The following CSMD1 variants were observed in gnomAD, a reference collection of about 807,000 sequenced individuals.
The protein encoded by CSMD1 is CUB and Sushi multiple domains 1.
A neutral mutation model predicts 417.5 loss-of-function variants in CSMD1; 213 were observed. That is an observed-to-expected ratio of 0.51 (90% CI 0.46 to 0.57). CSMD1 has a LOEUF of 0.57. CSMD1 is among the 20% of genes least tolerant of loss of function. The pLI, the probability that CSMD1 is intolerant of heterozygous loss-of-function variation, is 0.00. For missense variants in CSMD1, 6,923 were observed against 4,529.7 expected, an observed-to-expected ratio of 1.53 and a Z score of -15.17; for synonymous variants, 2,862 against 1,736.8, an observed-to-expected ratio of 1.65 and a Z score of -16.11.
rs1274672363 is a variant in CSMD1 at position 2,942,569 on chromosome 8, A to T, written c.10438T>A (p.Tyr3480Asn). 3 of 1,603,876 alleles carry T rather than the reference A, an allele frequency of 1.9e-6. No individual in the cohort carries two copies. The African/African-American group carries it at 4.0e-5, about 21-fold the overall frequency. The change falls in exon 69 of 70, where the codon TAC becomes AAC. Residue 3480 changes from tyrosine to asparagine, a missense_variant. Physicochemically the swap from Tyr to Asn is moderately radical, Grantham distance 143. Coordinates refer to ENST00000635120, the MANE Select transcript of CSMD1 (RefSeq NM_033225.6). ...ACAGAGCCACTGCTGGTGCCGTGGT[A>T]ATGACTGGAAGAGTCTTGATCTGGG... ...LNPDQDSSSH[Y>N]HGTSSGSVAA...
At chr8:4,936,519 G>C (rs1807632939) in intron 1 of CSMD1, among the ~76,000 whole-genome samples, 1 of 152,110 alleles carries the variant, frequency 6.6e-6, no homozygotes, top group Non-Finnish European at 1.5e-5. Flanking sequence ...CTATTGGATG[G>C]ATTGTACCTT....
At chr8:4,715,693 C>A (rs557682265) in intron 1 of CSMD1, among the ~76,000 whole-genome samples, 1 of 152,230 alleles carries the variant, frequency 6.6e-6, no homozygotes, top group African/African-American at 2.4e-5. Context: ...CCCTTCTAGG[C>A]GTTCAACTCA....
At chr8:4,849,169 T>C (rs1320386204) in intron 1 of CSMD1, among the ~76,000 whole-genome samples, 1 of 152,014 alleles carries the variant, frequency 6.6e-6, no homozygotes, top group African/African-American at 2.4e-5. Flanking sequence ...AAAAACGTTT[T>C]CAAAAAGTAA....
intron 5 of CSMD1, among the ~76,000 whole-genome samples, chr8:3,815,907 TAGAA>T (rs1801343399): frequency 6.6e-6 from 1 of 152,074 alleles, no homozygotes; most frequent in Non-Finnish European, 1.5e-5. Flanking sequence ...CAAGAGTAAA[TAGAA>T]AGAGGAAAAA....
chr8:3,912,932 G>A (rs1054063584), intron 5 of CSMD1, among the ~76,000 whole-genome samples: 26 of 152,186 alleles, frequency 1.7e-4, no homozygotes, highest in Admixed American at 1.4e-3. Context: ...TCAGGTAAGA[G>A]AACACAGGGT....
intron 3 of CSMD1, among the ~76,000 whole-genome samples, chr8:4,239,169 T>C (rs28522529): frequency 0.44 from 67,259 of 152,106 alleles, 16,283 homozygotes; most frequent in Non-Finnish European, 0.56. Flanking sequence ...TCCACCAGAG[T>C]TGAATGAACT....
At chr8:3,901,356 G>A (rs1807739148) in intron 5 of CSMD1, among the ~76,000 whole-genome samples, 2 of 152,068 alleles carry the variant, frequency 1.3e-5, no homozygotes, top group South Asian at 2.1e-4. Flanking sequence ...TTTTTTCAAA[G>A]TGTGTTGATT....
chr8:4,212,776 T>TTTTTTTTTTTTTCAA (rs1563282662), intron 3 of CSMD1, among the ~76,000 whole-genome samples: 1 of 105,850 alleles, frequency 9.4e-6, no homozygotes, highest in African/African-American at 3.4e-5. Context: ...TTTTTTTTTT[T>TTTTTTTTTTTTTCAA]ACAAGCTATT....
At chr8:4,543,004 T>G (rs1421735891) in intron 2 of CSMD1, among the ~76,000 whole-genome samples, 1 of 152,166 alleles carries the variant, frequency 6.6e-6, no homozygotes, top group African/African-American at 2.4e-5. Flanking sequence ...TAGTCTATAT[T>G]TTAGAGTAGG....
intron 12 of CSMD1, among the ~76,000 whole-genome samples, chr8:3,451,576 C>G (rs1237497378): frequency 6.6e-6 from 1 of 152,162 alleles, no homozygotes; most frequent in East Asian, 1.9e-4. Flanking sequence ...ATAGGGAATC[C>G]TTTCCCCATT....
chr8:3,385,492 T>A (rs891761667), intron 18 of CSMD1, among the ~76,000 whole-genome samples: 4 of 152,020 alleles, frequency 2.6e-5, no homozygotes, highest in African/African-American at 9.7e-5. Context: ...ATATTTCTAA[T>A]TCATATCATT....
chr8:4,936,150 C>T (rs551966147), intron 1 of CSMD1, among the ~76,000 whole-genome samples: 3 of 152,268 alleles, frequency 2.0e-5, no homozygotes, highest in Admixed American at 1.3e-4. Flanking sequence ...ATCTTTCTTG[C>T]TACATCTAGA....
At chr8:4,463,702 C>T (rs1442327768) in intron 2 of CSMD1, among the ~76,000 whole-genome samples, 1 of 152,128 alleles carries the variant, frequency 6.6e-6, no homozygotes, top group Admixed American at 6.5e-5. Flanking sequence ...ATAGGCCAAT[C>T]CCTAGAGACG....
chr8:4,528,286 G>T lies in CSMD1; in HGVS notation c.303-108221C>A, dbSNP rs1235058745. Reference sequence around the variant, plus strand: ...AGTCCAATTAATCCCTACCTCTCTAGAGAGCCATCCATGAACAGCAACAAC... The same window carrying T: ...AGTCCAATTAATCCCTACCTCTCTATAGAGCCATCCATGAACAGCAACAAC... On this transcript the variant is annotated intron_variant, in intron 2 of 69. Coordinates refer to ENST00000635120, the MANE Select transcript of CSMD1 (RefSeq NM_033225.6). 4.6e-5 allele frequency among the ~76,000 whole-genome samples: 7 copies of T among 152,092 alleles called. No homozygotes were observed. The East Asian group carries it at 1.4e-3, about 29-fold the overall frequency.
At chr8:3,220,275 CTG>C (rs200764499) in intron 28 of CSMD1, among the ~76,000 whole-genome samples, 17 of 151,774 alleles carry the variant, frequency 1.1e-4, no homozygotes, top group Admixed American at 2.6e-4. Flanking sequence ...TTTTTTTTCT[CTG>C]TCCCTCTCTT....
Position 3,201,637 on chromosome 8 carries a change from G to A in CSMD1, c.5073C>T (p.Leu1691=), listed in dbSNP as rs760603559. The A allele has an allele frequency of 1.2e-6, 2 of 1,604,270 alleles. No homozygotes were observed. Among genetic ancestry groups the A allele is most frequent in the Non-Finnish European group, 1.7e-6 (2 of 1,175,070 alleles). The change falls in exon 32 of 70, where the codon CTC becomes CTT. Residue 1691 remains leucine (L), a synonymous_variant. Coordinates refer to ENST00000635120, the MANE Select transcript of CSMD1 (RefSeq NM_033225.6). ...CTGAGTGAGACCCCGAGAGTGAGCT[G>A]AGAAGTCTGGCCTGTGCATGGGTTC... The part of the protein sequence containing the change: ...FDGTHAQARL[L]SSLSGSHSGE...
At chr8:4,353,973 G>C (rs1801250679) in intron 3 of CSMD1, among the ~76,000 whole-genome samples, 1 of 152,040 alleles carries the variant, frequency 6.6e-6, no homozygotes. Context: ...ATGATATATT[G>C]TTTCACTTTT....
chr8:4,056,975 G>A (rs1454686082), intron 3 of CSMD1, among the ~76,000 whole-genome samples: 1 of 152,184 alleles, frequency 6.6e-6, no homozygotes, highest in African/African-American at 2.4e-5. Flanking sequence ...TTGCTATTGT[G>A]AATACTGCTG....
intron 1 of CSMD1, among the ~76,000 whole-genome samples, chr8:4,702,492 T>G (rs185992061): frequency 2.6e-5 from 4 of 152,284 alleles, no homozygotes; most frequent in Admixed American, 2.0e-4. Context: ...TTGCTGCTGT[T>G]TTTAATAACA....
Sources: gnomAD v4.1 joint callset for allele counts (sites outside exome capture counted in the v4.1 genomes callset) on GRCh38, gnomAD v4.1.1 for gene constraint, MANE v1.5 for transcripts, NCBI Gene and HGNC (gene_info 2026-07-23, HGNC 2026-07-21) for gene names.